The following KDM4B variants were observed in gnomAD, a reference collection of about 807,000 sequenced individuals.
KDM4B encodes the protein lysine-specific demethylase 4B.
In KDM4B, 32 loss-of-function variants were observed where a neutral mutation model predicts 125.2. The observed-to-expected ratio is 0.26, with a 90% CI of 0.19 to 0.34. KDM4B has a LOEUF of 0.34. Ranked by LOEUF, KDM4B falls within the 10% of genes least tolerant of loss-of-function variation. The pLI, the probability that KDM4B is intolerant of heterozygous loss-of-function variation, is 1.00. For synonymous variants in KDM4B, 721 were observed against 677.9 expected (o/e 1.06, Z -0.99); for missense variants, 1,190 against 1,577.7 (o/e 0.75, Z 4.16).
chr19:5,011,693 C>A (rs1004746989), intron 1 of KDM4B, among the ~76,000 whole-genome samples: 1 of 152,206 alleles, frequency 6.6e-6, no homozygotes, highest in Non-Finnish European at 1.5e-5. Flanking sequence ...GTTTTTGGAC[C>A]CGTGCTCAGA....
At chr19:5,150,233 A>AT (rs1475785903) in intron 21 of KDM4B, 125 bp from the exon 22 acceptor site, 1 of 652,268 alleles carries the variant, frequency 1.5e-6, no homozygotes, top group Admixed American at 2.9e-5. Context: ...GCTTGGCTGC[A>AT]TGTGGCCTCT....
At chr19:5,129,025 AC>A (rs1349719097) in intron 11 of KDM4B, among the ~76,000 whole-genome samples, 1 of 152,170 alleles carries the variant, frequency 6.6e-6, no homozygotes, top group African/African-American at 2.4e-5. Flanking sequence ...AATGCTCAGG[AC>A]TAGCAGGGGT....
chr19:5,134,290 T>C (rs1314541391), intron 14 of KDM4B, among the ~76,000 whole-genome samples: 2 of 152,124 alleles, frequency 1.3e-5, no homozygotes, highest in African/African-American at 2.4e-5. Context: ...CCATGGTGGA[T>C]GGGGCAGAGG....
Position 4,981,291 on chromosome 19 carries a change from G to C in KDM4B, c.-109+12061G>C, listed in dbSNP as rs370592835. 2.8e-4 allele frequency among the ~76,000 whole-genome samples: 43 copies of C among 152,214 alleles called. No individual in the cohort carries two copies. In the South Asian group the frequency reaches 8.1e-3, roughly 29 times the overall value. On this transcript the variant is annotated intron_variant, in intron 1 of 22. Coordinates refer to ENST00000159111, the MANE Select transcript of KDM4B (RefSeq NM_015015.3). ...GGACCCCTGAGTCCACCACACCAGG[G>C]CCCGACGGCTGTCCTGTCCCCCTCG...
intron 9 of KDM4B, among the ~76,000 whole-genome samples, chr19:5,100,599 TG>T: frequency 6.6e-6 from 1 of 152,244 alleles, no homozygotes; most frequent in East Asian, 1.9e-4. Context: ...GCTAATTTTT[TG>T]TAGAGATGGG....
intron 3 of KDM4B, among the ~76,000 whole-genome samples, chr19:5,038,020 G>A (rs748857265): frequency 3.8e-4 from 58 of 152,384 alleles, no homozygotes; most frequent in Non-Finnish European, 7.1e-4. Context: ...GATTTTAGCC[G>A]TTCTGGAAGC....
chr19:5,106,271 C>T (rs373585425), intron 9 of KDM4B, among the ~76,000 whole-genome samples: 2 of 152,134 alleles, frequency 1.3e-5, no homozygotes, highest in Admixed American at 6.5e-5. Flanking sequence ...TGTGTGCGCG[C>T]GCGTGCAAGC....
Position 5,022,441 on chromosome 19 carries a change from C to G in KDM4B, c.-26+6102C>G, listed in dbSNP as rs1421250645. ...TCTTGAGGCTGGTCCGTCTGCTTGTCTCACCACACTTAGGCCTGAGTGTCT... is the reference window on the plus strand; with the variant it reads ...TCTTGAGGCTGGTCCGTCTGCTTGTGTCACCACACTTAGGCCTGAGTGTCT... On this transcript the variant is annotated intron_variant, in intron 2 of 22. Transcript: ENST00000159111. Among the ~76,000 whole-genome samples, 8 of 152,146 alleles carry G rather than the reference C, an allele frequency of 5.3e-5. No individual in the cohort carries two copies. The East Asian group carries it at 1.4e-3, about 26-fold the overall frequency.
At chr19:5,135,861 G>A (rs1272383992) in intron 15 of KDM4B, among the ~76,000 whole-genome samples, 1 of 152,216 alleles carries the variant, frequency 6.6e-6, no homozygotes, top group Non-Finnish European at 1.5e-5. Flanking sequence ...GCATCCAGAA[G>A]ATGCCAGTGC....
intron 6 of KDM4B, among the ~76,000 whole-genome samples, chr19:5,066,543 C>A (rs1472583556): frequency 1.3e-5 from 2 of 152,234 alleles, no homozygotes; most frequent in Admixed American, 6.5e-5. Flanking sequence ...AGAGGGGCCA[C>A]GTCCTAGCAT....
rs142597592 is a variant in KDM4B, at chr19:5,073,885, C to G, written c.676+2826C>G. On this transcript the variant is annotated intron_variant, in intron 7 of 22. Transcript: ENST00000159111. Reference sequence around the variant, plus strand: ...GAATCCCAGTGCTTTGAGAGGCTGACGTCAGAGGATTGCTTGAGCCCAGGA... The same window carrying G: ...GAATCCCAGTGCTTTGAGAGGCTGAGGTCAGAGGATTGCTTGAGCCCAGGA... 4.9e-4 allele frequency among the ~76,000 whole-genome samples: 75 copies of G among 152,246 alleles called. 1 individual carries two copies. The highest frequency in any genetic ancestry group is 1.7e-3 in the African/African-American group (72 of 41,558).
At chr19:4,980,720 G>A (rs1310648228) in intron 1 of KDM4B, among the ~76,000 whole-genome samples, 1 of 152,040 alleles carries the variant, frequency 6.6e-6, no homozygotes, top group East Asian at 1.9e-4. Flanking sequence ...GAGCCACCGC[G>A]CCCGGCCCAC....
chr19:5,150,400 G>A lies in KDM4B; in HGVS notation c.3064G>A (p.Asp1022Asn). The change falls in exon 22 of 23, where the codon GAC (aspartate) becomes AAC (asparagine). Residue 1022 changes from aspartate to asparagine, a missense_variant. This residue lies in a region of KDM4B where 298 missense variants were observed against 439.7 expected (regional missense o/e 0.68). Coordinates refer to ENST00000159111, the MANE Select transcript of KDM4B (RefSeq NM_015015.3). ...DGSQLTVKRGDIFTLEEELPK... is the reference protein window; with the variant it reads ...DGSQLTVKRGNIFTLEEELPK... Reference sequence around the variant, plus strand: ...GTCCCAGCTGACGGTGAAGCGTGGGGACATCTTCACCCTGGAGGAGGAGCT... The same window carrying A: ...GTCCCAGCTGACGGTGAAGCGTGGGAACATCTTCACCCTGGAGGAGGAGCT... 2 of 1,551,386 alleles carry A rather than the reference G, an allele frequency of 1.3e-6. No individual in the cohort carries two copies. The highest frequency in any genetic ancestry group is 1.2e-5 in the South Asian group (1 of 84,060).
At chr19:5,030,262 G>A (rs1251151856) in intron 2 of KDM4B, among the ~76,000 whole-genome samples, 1 of 152,132 alleles carries the variant, frequency 6.6e-6, no homozygotes, top group Non-Finnish European at 1.5e-5. Flanking sequence ...GTGTGCCACC[G>A]TGCCTAGCGC....
intron 9 of KDM4B, among the ~76,000 whole-genome samples, chr19:5,102,540 C>T (rs906746699): frequency 6.6e-6 from 1 of 152,084 alleles, no homozygotes; most frequent in Non-Finnish European, 1.5e-5. Context: ...GCTGAGCCTC[C>T]ACAGGCCAGG....
At chr19:5,123,124 C>T (rs541882784) in intron 11 of KDM4B, among the ~76,000 whole-genome samples, 7 of 152,356 alleles carry the variant, frequency 4.6e-5, no homozygotes, top group African/African-American at 7.2e-5. Context: ...CTGTCACCCT[C>T]GTCTGCCCTG....
rs1271987938 is a variant in KDM4B, at chr19:5,141,304, G to T, written c.2551-2663G>T. Reference sequence around the variant, plus strand: ...CGATTAGGAAGCCGGCAGCCCGCGGGTGATGCTTCCGAGGCACCAGTGACT... The same window carrying T: ...CGATTAGGAAGCCGGCAGCCCGCGGTTGATGCTTCCGAGGCACCAGTGACT... On this transcript the variant is annotated intron_variant, in intron 18 of 22. Coordinates refer to ENST00000159111, the MANE Select transcript of KDM4B (RefSeq NM_015015.3). The surrounding 1 kb of genome is among the most constrained non-coding windows in gnomAD (Gnocchi z 6.4). 1 of 152,216 alleles carries T rather than the reference G, an allele frequency of 6.6e-6. No homozygotes were observed. The highest frequency in any genetic ancestry group is 1.9e-4 in the East Asian group (1 of 5,186). The allele number at this position is 152,216 out of a possible 1,614,324, so 9.4% of individuals were successfully genotyped here.
chr19:5,138,177 G>A (rs775075066), intron 18 of KDM4B, 107 bp downstream of exon 18: 60 of 794,092 alleles, frequency 7.6e-5, no homozygotes, highest in Non-Finnish European at 1.1e-4. Flanking sequence ...CAAGCTCTGC[G>A]TCTCCATGGG....
At chr19:5,138,787 T>C (rs1250802457) in intron 18 of KDM4B, among the ~76,000 whole-genome samples, 1 of 152,232 alleles carries the variant, frequency 6.6e-6, no homozygotes, top group Non-Finnish European at 1.5e-5. Context: ...TCACCCGTCC[T>C]GTATAACTGA....
Sources: allele counts gnomAD v4.1 joint callset (sites outside exome capture counted in the v4.1 genomes callset), GRCh38; gene constraint gnomAD v4.1.1; regional missense constraint gnomAD v4.1.1; non-coding constraint Gnocchi (gnomAD v3.1); transcripts MANE v1.5; gene names NCBI Gene and HGNC (gene_info 2026-07-23, HGNC 2026-07-21).